Variants in PTK2 observed in about 807,000 individuals in gnomAD.
The protein encoded by PTK2 is protein tyrosine kinase 2, also known as focal adhesion kinase 1.
A neutral mutation model predicts 150.1 loss-of-function variants in PTK2; 45 were observed. That is an observed-to-expected ratio of 0.30 (90% CI 0.24 to 0.38). PTK2 has a LOEUF of 0.38. PTK2 is among the 10% of genes least tolerant of loss of function. The pLI, the probability that PTK2 is intolerant of heterozygous loss-of-function variation, is 1.00. For missense variants in PTK2, 919 were observed against 1,307.3 expected (o/e 0.70, Z 4.58); for synonymous variants, 432 against 449.2 (o/e 0.96, Z 0.48).
chr8:140,964,478 T>A (rs769404944), intron 1 of PTK2, among the ~76,000 whole-genome samples: 7 of 151,290 alleles, frequency 4.6e-5, no homozygotes, highest in Non-Finnish European at 8.8e-5. Context: ...CCCAGGCTCA[T>A]GCGATTCTCC....
intron 23 of PTK2, among the ~76,000 whole-genome samples, chr8:140,709,636 A>AT (rs1302310426): frequency 6.6e-6 from 1 of 152,228 alleles, no homozygotes; most frequent in Non-Finnish European, 1.5e-5. Flanking sequence ...TGAAGATTAA[A>AT]TATGTTAATA....
In PTK2 at chr8:140,741,299, C is replaced by CA. The variant is rs561982783; in HGVS notation, c.1735+1930dup. Among the ~76,000 whole-genome samples, 880 of 151,230 alleles carry CA rather than the reference C, an allele frequency of 5.8e-3. 10 individuals are homozygous for CA. Among genetic ancestry groups the CA allele is most frequent in the Non-Finnish European group, 7.1e-3 (483 of 67,790 alleles). On this transcript the variant is annotated intron_variant, in intron 20 of 31. Transcript: ENST00000522684. ...TGAAACTCCATCTCTACTAAAAATACAAAAAATTAGCCGGGCGTGGTGGTG... is the reference window on the plus strand; with the variant it reads ...TGAAACTCCATCTCTACTAAAAATACAAAAAAATTAGCCGGGCGTGGTGGTG...
intron 1 of PTK2, among the ~76,000 whole-genome samples, chr8:140,966,998 A>T (rs1011474816): frequency 3.3e-5 from 5 of 152,182 alleles, no homozygotes; most frequent in African/African-American, 1.2e-4. Context: ...CTACCTCCAA[A>T]TAACAATCCT....
rs547411444 is a variant in PTK2 at position 140,902,273 on chromosome 8, G to A, written c.-32-11504C>T. 6.6e-5 allele frequency among the ~76,000 whole-genome samples: 10 copies of A among 152,246 alleles called. 1 individual carries two copies. Among genetic ancestry groups the A allele is most frequent in the South Asian group, 4.2e-4 (2 of 4,816 alleles). ...TGGTCTCAAACTCCTGACATCAGGC[G>A]ATCCACACGCCTCGGCCTCCAAAAG... is the stretch of plus-strand genomic sequence containing the variant. On this transcript the variant is annotated intron_variant, in intron 2 of 31. Coordinates refer to ENST00000522684, the Ensembl canonical transcript of PTK2.
chr8:140,979,138 A>G (rs1035169238), intron 1 of PTK2, among the ~76,000 whole-genome samples: 1 of 150,774 alleles, frequency 6.6e-6, no homozygotes, highest in Non-Finnish European at 1.5e-5. Context: ...GAGGGATAGC[A>G]TTAGGAGATA....
At chr8:140,810,263 G>A (rs1596529355) in intron 10 of PTK2, among the ~76,000 whole-genome samples, 1 of 152,244 alleles carries the variant, frequency 6.6e-6, no homozygotes, top group South Asian at 2.1e-4. Flanking sequence ...GTGCAGGAGC[G>A]TCTGTAGTGG....
chr8:140,667,834 T>C (rs931332192), intron 30 of PTK2, among the ~76,000 whole-genome samples: 1 of 152,242 alleles, frequency 6.6e-6, no homozygotes, highest in African/African-American at 2.4e-5. Context: ...GTGCGGGATC[T>C]GAATTTGATA....
intron 22 of PTK2, among the ~76,000 whole-genome samples, chr8:140,720,545 C>A (rs764457132): frequency 2.0e-4 from 30 of 152,168 alleles, no homozygotes; most frequent in Admixed American, 1.1e-3. Context: ...TCCCTCCAAG[C>A]CTCATCCACA....
intron 24 of PTK2, among the ~76,000 whole-genome samples, chr8:140,704,648 G>A (rs2100032658): frequency 2.0e-5 from 3 of 152,158 alleles, no homozygotes; most frequent in African/African-American, 7.2e-5. Context: ...GACTCGGGCT[G>A]TTCCCCTGGG....
At chr8:140,974,591 T>C (rs745466482) in intron 1 of PTK2, among the ~76,000 whole-genome samples, 1 of 152,186 alleles carries the variant, frequency 6.6e-6, no homozygotes, top group Non-Finnish European at 1.5e-5. Flanking sequence ...ACTTGGCAGT[T>C]TGAGATGCAT....
intron 14 of PTK2, among the ~76,000 whole-genome samples, chr8:140,773,141 T>C (rs2100076465): frequency 6.6e-6 from 1 of 152,174 alleles, no homozygotes; most frequent in Admixed American, 6.5e-5. Context: ...ACTTAAAAAG[T>C]GAATTTTTTA....
chr8:140,696,063 CG>C (rs2100026362), intron 26 of PTK2, among the ~76,000 whole-genome samples: 7 of 152,156 alleles, frequency 4.6e-5, no homozygotes, highest in Non-Finnish European at 7.3e-5. Context: ...GGGCCTCTAA[CG>C]TTTAGATGCT....
intron 11 of PTK2, among the ~76,000 whole-genome samples, chr8:140,803,256 C>T (rs2100096330): frequency 6.6e-6 from 1 of 151,876 alleles, no homozygotes; most frequent in African/African-American, 2.4e-5. Context: ...CCTTGGCCTC[C>T]CAAAGTGCTG....
Position 140,690,686 on chromosome 8 carries a change from T to C in PTK2, c.2500-3992A>G, listed in dbSNP as rs553867412. ...AATTAAAATGTAAAAGTAATTATCA[T>C]TAGTTAATACTGTGGTGTAAATGTA... On this transcript the variant is annotated intron_variant, in intron 26 of 31. Transcript: ENST00000522684. Among the ~76,000 whole-genome samples, 20 of 152,320 alleles carry C rather than the reference T, an allele frequency of 1.3e-4. 1 individual carries two copies. The South Asian group carries it at 4.1e-3, about 32-fold the overall frequency.
chr8:140,668,884 T>A (rs2093952368), intron 29 of PTK2: 1 of 156,478 alleles, frequency 6.4e-6, no homozygotes, highest in Non-Finnish European at 1.4e-5. Flanking sequence ...TCAGCTTAGC[T>A]GCCCTCAGCC....
intron 31 of PTK2, chr8:140,660,637 G>A: frequency 2.2e-6 from 1 of 455,326 alleles, no homozygotes; most frequent in Non-Finnish European, 4.4e-6. Flanking sequence ...GACGTGGGAG[G>A]ACGGCTTGAG....
At chr8:140,914,609 T>C (rs904542225) in intron 2 of PTK2, among the ~76,000 whole-genome samples, 3 of 152,134 alleles carry the variant, frequency 2.0e-5, no homozygotes, top group Admixed American at 2.0e-4. Flanking sequence ...CCAGTGTCTG[T>C]TGTTCCCTTC....
At chr8:140,904,945 G>A (rs1284786201) in intron 2 of PTK2, among the ~76,000 whole-genome samples, 1 of 152,058 alleles carries the variant, frequency 6.6e-6, no homozygotes, top group Non-Finnish European at 1.5e-5. Context: ...CAAAAAACCA[G>A]CTCCTGGATT....
At chr8:140,972,275 A>ATT (rs1027539461) in intron 1 of PTK2, among the ~76,000 whole-genome samples, 1 of 151,652 alleles carries the variant, frequency 6.6e-6, no homozygotes, top group Non-Finnish European at 1.5e-5. Context: ...ATAATTGTTA[A>ATT]TTTTTTTTAG....
Sources: allele counts gnomAD v4.1 joint callset (sites outside exome capture counted in the v4.1 genomes callset), GRCh38; gene constraint gnomAD v4.1.1; transcripts MANE v1.5; gene names NCBI Gene and HGNC (gene_info 2026-07-23, HGNC 2026-07-21).